Variants in UVRAG observed in about 807,000 individuals in gnomAD.
UVRAG encodes UV radiation resistance-associated gene protein.
Under a neutral mutation model 78.0 loss-of-function variants are expected in UVRAG, and 19 were observed. The ratio of observed to expected loss-of-function variants is 0.24; its 90% CI spans 0.17 to 0.36. The LOEUF (loss-of-function observed/expected upper bound fraction) is 0.36, where lower values mean the gene tolerates loss of function less well. Among genes scored for constraint, UVRAG ranks in the 10% least tolerant of loss-of-function variants. The probability of loss-of-function intolerance (pLI) is 1.00; values close to 1 mark genes in which losing one functional copy is unlikely to be tolerated. For missense variants in UVRAG, 740 were observed against 853.8 expected (o/e 0.87, Z 1.66); for synonymous variants, 323 against 324.6 (o/e 1.00, Z 0.05).
At chr11:75,977,937 G>A (rs956749990) in intron 7 of UVRAG, among the ~76,000 whole-genome samples, 182 of 152,222 alleles carry the variant, frequency 1.2e-3, no homozygotes, top group African/African-American at 4.1e-3. Context: ...TATTTTGCTC[G>A]TTAGTTGATG....
chr11:75,861,607 G>C (rs1946423874), intron 2 of UVRAG, 139 bp from the exon 3 acceptor site: 1 of 563,862 alleles, frequency 1.8e-6, no homozygotes, highest in African/African-American at 1.9e-5. Context: ...AACAGATAAA[G>C]ATATAGAGAG....
intron 1 of UVRAG, among the ~76,000 whole-genome samples, chr11:75,829,383 T>A (rs1945604420): frequency 6.6e-6 from 1 of 152,246 alleles, no homozygotes; most frequent in African/African-American, 2.4e-5. Flanking sequence ...ACCACTTGTC[T>A]CAGTGACATT....
At chr11:76,124,543 A>T (rs1952350797) in intron 14 of UVRAG, among the ~76,000 whole-genome samples, 1 of 152,264 alleles carries the variant, frequency 6.6e-6, no homozygotes, top group Non-Finnish European at 1.5e-5. Context: ...CCATTTTTAA[A>T]GAGACAGAAT....
chr11:76,124,641 T>A (rs757463261), intron 14 of UVRAG, among the ~76,000 whole-genome samples: 1 of 152,230 alleles, frequency 6.6e-6, no homozygotes, highest in Non-Finnish European at 1.5e-5. Flanking sequence ...CAGAGTACTT[T>A]AGTGTTTAAC....
intron 1 of UVRAG, among the ~76,000 whole-genome samples, chr11:75,845,484 A>C (rs1946013424): frequency 6.6e-6 from 1 of 152,236 alleles, no homozygotes; most frequent in South Asian, 2.1e-4. Context: ...TACACCATGG[A>C]ATACTACACA....
chr11:75,892,332 C>A, intron 5 of UVRAG: 1 of 985,410 alleles, frequency 1.0e-6, no homozygotes, highest in Non-Finnish European at 1.2e-6. Flanking sequence ...CCTTTCATGA[C>A]CTTTTCTCCT....
At chr11:76,097,015 C>G (rs1951795682) in intron 13 of UVRAG, among the ~76,000 whole-genome samples, 2 of 152,152 alleles carry the variant, frequency 1.3e-5, no homozygotes, top group Admixed American at 1.3e-4. Flanking sequence ...TTAACTGAAG[C>G]GTGCAACCCC....
chr11:76,136,037 ACC>A (rs1952592476), intron 14 of UVRAG, among the ~76,000 whole-genome samples: 1 of 152,186 alleles, frequency 6.6e-6, no homozygotes, highest in African/African-American at 2.4e-5. Context: ...ATGAGTTTCA[ACC>A]TCTTCATCTA....
At chr11:75,930,927 T>TTTTTTTTCTTTC (rs752762673) in intron 6 of UVRAG, 3 of 117,512 alleles carry the variant, frequency 2.6e-5, no homozygotes, top group African/African-American at 9.6e-5. Context: ...AGTGTCGGGA[T>TTTTTTTTCTTTC]TTTCTTTCTT....
At chr11:76,121,069 TG>T (rs1312031515) in intron 14 of UVRAG, among the ~76,000 whole-genome samples, 3 of 152,220 alleles carry the variant, frequency 2.0e-5, no homozygotes, top group African/African-American at 7.2e-5. Context: ...TTCCTCCTTA[TG>T]GTAAGCTTCA....
At chr11:75,837,684 A>T (rs1215036837) in intron 1 of UVRAG, 1 of 152,026 alleles carries the variant, frequency 6.6e-6, no homozygotes, top group East Asian at 1.9e-4. Context: ...TCTATCTGTA[A>T]TTGGTTGAAT....
intron 7 of UVRAG, among the ~76,000 whole-genome samples, chr11:75,983,135 C>T (rs1949426219): frequency 6.6e-6 from 1 of 151,974 alleles, no homozygotes; most frequent in Non-Finnish European, 1.5e-5. Flanking sequence ...AGGGAAGGTA[C>T]CTGAGATATT....
At chr11:75,918,702 A>G (rs755420750) in intron 6 of UVRAG, among the ~76,000 whole-genome samples, 5 of 152,188 alleles carry the variant, frequency 3.3e-5, no homozygotes, top group South Asian at 4.1e-4. Context: ...TATTAGCCCT[A>G]TCGCAGTGTG....
intron 13 of UVRAG, among the ~76,000 whole-genome samples, chr11:76,078,278 A>C (rs1951436353): frequency 6.6e-6 from 1 of 152,196 alleles, no homozygotes; most frequent in South Asian, 2.1e-4. Context: ...GTAGCACAGT[A>C]GATTTGAAAT....
At chr11:76,062,862 A>T (rs893621294) in intron 12 of UVRAG, among the ~76,000 whole-genome samples, 1 of 152,220 alleles carries the variant, frequency 6.6e-6, no homozygotes, top group Non-Finnish European at 1.5e-5. Context: ...AAGTAAGGAT[A>T]TGAGTGTTCT....
intron 13 of UVRAG, among the ~76,000 whole-genome samples, chr11:76,096,368 A>G (rs1476212927): frequency 6.6e-6 from 1 of 152,208 alleles, no homozygotes; most frequent in Non-Finnish European, 1.5e-5. Context: ...GAGTACGTCC[A>G]AGGGAAGGAG....
intron 13 of UVRAG, among the ~76,000 whole-genome samples, chr11:76,098,613 G>A (rs527537808): frequency 6.6e-6 from 1 of 152,266 alleles, no homozygotes; most frequent in Admixed American, 6.5e-5. Context: ...AATAAGTGTG[G>A]CACAGTCCTT....
At chr11:75,957,435 A>G (rs1948822906) in intron 6 of UVRAG, among the ~76,000 whole-genome samples, 2 of 150,810 alleles carry the variant, frequency 1.3e-5, no homozygotes, top group Admixed American at 6.6e-5. Flanking sequence ...TTTTATCTCC[A>G]TGACCACACC....
intron 12 of UVRAG, among the ~76,000 whole-genome samples, chr11:76,036,060 A>G (rs1182851839): frequency 2.0e-5 from 3 of 152,208 alleles, no homozygotes; most frequent in Non-Finnish European, 4.4e-5. Flanking sequence ...TAAAGGCTCG[A>G]TAATTGACTG....
Sources: gnomAD v4.1 joint callset for allele counts (sites outside exome capture counted in the v4.1 genomes callset) on GRCh38, gnomAD v4.1.1 for gene constraint, MANE v1.5 for transcripts, NCBI Gene and HGNC (gene_info 2026-07-23, HGNC 2026-07-21) for gene names.